Variants in PHF8 observed in about 807,000 individuals in gnomAD.
PHF8 encodes PHD finger protein 8, also known as histone lysine demethylase PHF8.
PHF8 carries 9 observed loss-of-function variants against 74.4 expected under a neutral mutation model. The observed-to-expected ratio is 0.12, with a 90% CI of 0.07 to 0.21. The LOEUF is 0.21. PHF8 is among the 10% of genes least tolerant of loss of function. The pLI, the probability that PHF8 is intolerant of heterozygous loss-of-function variation, is 1.00. For missense variants in PHF8, 478 were observed against 816.6 expected (o/e 0.59, Z 5.05); for synonymous variants, 311 against 316.6 (o/e 0.98, Z 0.19).
chrX:53,991,681 A>G (rs1040835067), intron 14 of PHF8, among the ~76,000 whole-genome samples: 1 of 106,090 alleles, frequency 9.4e-6, no homozygotes, highest in African/African-American at 3.4e-5. Context: ...AAAAAAAAAA[A>G]AAAACAAAAC....
chrX:54,022,357 G>A lies in PHF8; in HGVS notation c.195C>T (p.Arg65=), dbSNP rs1557110268. 8.4e-7 allele frequency: 1 copy of A among 1,187,874 alleles called. No individual in the cohort carries two copies. Among genetic ancestry groups the A allele is most frequent in the Admixed American group, 2.2e-5 (1 of 45,938 alleles). ...VLHGPSIMKK[R]RGSSKGHDTH... is the part of the protein sequence containing the mutation. Reference sequence around the variant, plus strand: ...TATCATGCCCCTTTGAAGATCCACGGCGTTTTTTCACTAAGCCAGAAAAAC... The same window carrying A: ...TATCATGCCCCTTTGAAGATCCACGACGTTTTTTCACTAAGCCAGAAAAAC... Residue 65 remains arginine, a synonymous_variant, in exon 4 of 22, where the codon CGC becomes CGT. Transcript: ENST00000338154.
chrX:54,044,906 G>A, upstream of PHF8: 5 of 1,151,156 alleles, frequency 4.3e-6, no homozygotes, highest in South Asian at 5.8e-5. Context: ...ACCTTCGATA[G>A]GCTGGGCTCT....
chrX:53,972,768 T>C (rs2065314801), intron 18 of PHF8, among the ~76,000 whole-genome samples: 1 of 111,362 alleles, frequency 9.0e-6, no homozygotes, highest in East Asian at 2.8e-4. Context: ...GCCACTCCTA[T>C]TCAACATAGC....
Position 53,940,526 on chromosome X carries a change from A to C in PHF8, c.2650-10T>G. 8.8e-7 allele frequency: 1 copy of C among 1,132,469 alleles called. No homozygotes were observed. Among genetic ancestry groups the C allele is most frequent in the African/African-American group, 1.8e-5 (1 of 56,335 alleles). The allele number at this position is 1,132,469 out of a possible 1,213,427, so 93.3% of individuals were successfully genotyped here. On this transcript the variant is annotated splice_polypyrimidine_tract_variant and intron_variant, in intron 20 of 21. Transcript: ENST00000338154. ...GGGCCTTCTGTAGCTCCTGAAACACAAGCCAAGTAGGAGGAGAGATTAAGG... is the reference window on the plus strand; with the variant it reads ...GGGCCTTCTGTAGCTCCTGAAACACCAGCCAAGTAGGAGGAGAGATTAAGG...
At chrX:54,020,187 A>AAAAT (rs1365191915) in intron 4 of PHF8, among the ~76,000 whole-genome samples, 7 of 111,666 alleles carry the variant, frequency 6.3e-5, no homozygotes, top group Admixed American at 2.9e-4. Flanking sequence ...ACATCGTCTC[A>AAAAT]AAATAAATAA....
chrX:54,027,059 A>G (rs2066278643), intron 2 of PHF8, among the ~76,000 whole-genome samples: 1 of 111,183 alleles, frequency 9.0e-6, no homozygotes. Context: ...TATCACAACA[A>G]AAGTACTATC....
intron 19 of PHF8, among the ~76,000 whole-genome samples, chrX:53,944,889 G>A (rs1280082928): frequency 1.8e-5 from 2 of 111,683 alleles, no homozygotes; most frequent in Middle Eastern, 4.2e-3. Flanking sequence ...CGGCATGGTG[G>A]TGCACGCCTG....
chrX:53,945,916 C>T (rs1460169854), intron 19 of PHF8, among the ~76,000 whole-genome samples: 4 of 112,188 alleles, frequency 3.6e-5, no homozygotes, highest in African/African-American at 1.3e-4. Flanking sequence ...TTCTCTAATG[C>T]TGATGTGTTA....
intron 19 of PHF8, among the ~76,000 whole-genome samples, chrX:53,960,756 TA>T (rs1182117266): frequency 9.3e-6 from 1 of 107,445 alleles, no homozygotes; most frequent in Non-Finnish European, 1.9e-5. Flanking sequence ...AAAAAAAATT[TA>T]AAAAAAAATT....
chrX:54,041,159 C>A (rs1390214054), intron 2 of PHF8, among the ~76,000 whole-genome samples: 1 of 109,890 alleles, frequency 9.1e-6, no homozygotes, highest in East Asian at 2.8e-4. Context: ...GCGGGCGGAT[C>A]GCTTGAGGTC....
Position 54,034,615 on chromosome X carries a change from GA to G in PHF8, c.98+8015del, listed in dbSNP as rs782571652. 4.5e-5 allele frequency among the ~76,000 whole-genome samples: 5 copies of G among 110,219 alleles called. No homozygotes were observed. The East Asian group carries it at 1.4e-3, about 31-fold the overall frequency. On this transcript the variant is annotated intron_variant, in intron 2 of 21. Transcript: ENST00000338154. ...AGACGTGTGGATCATTTGAGGTCAG[GA>G]GTTCAAGACCAGCCTGGCCAAGATG...
At chrX:54,048,252 T>TGGG (rs1557117737), upstream of PHF8, among the ~76,000 whole-genome samples, 1 of 107,096 alleles carries the variant, frequency 9.3e-6, no homozygotes, top group African/African-American at 3.4e-5. Flanking sequence ...GGGCTACAGG[T>TGGG]GGGGGTCAGG....
intron 18 of PHF8, among the ~76,000 whole-genome samples, chrX:53,963,592 C>T (rs868916328): frequency 3.6e-5 from 4 of 111,589 alleles, no homozygotes; most frequent in Admixed American, 9.5e-5. Context: ...ACAGACACTT[C>T]TCAAAAGAAG....
At chrX:53,973,336 C>T (rs1433715690) in intron 18 of PHF8, among the ~76,000 whole-genome samples, 1 of 111,705 alleles carries the variant, frequency 9.0e-6, no homozygotes. Flanking sequence ...GCCCAAATAG[C>T]CAGGACAATC....
At position 53,993,905 on chromosome X, in the gene PHF8, T is replaced by G; in HGVS notation, c.1324-2A>C. On this transcript the variant is annotated splice_acceptor_variant, in intron 12 of 21. Coordinates refer to ENST00000338154, the MANE Select transcript of PHF8 (RefSeq NM_015107.3). LOFTEE classifies it high-confidence loss of function. ...CCCAACGTTCTGTTGGAAGATGTCC[T>G]ACAAGAGTGTTAGTACATGAGGGGG... 8.4e-7 allele frequency: 1 copy of G among 1,183,497 alleles called. No individual in the cohort carries two copies. The highest frequency in any genetic ancestry group is 1.1e-6 in the Non-Finnish European group (1 of 871,359).
At chrX:53,960,048 T>C (rs782409617) in intron 19 of PHF8, among the ~76,000 whole-genome samples, 2 of 108,997 alleles carry the variant, frequency 1.8e-5, no homozygotes, top group Non-Finnish European at 3.8e-5. Flanking sequence ...CAGAAGAACA[T>C]TGCTTTTCCT....
At chrX:54,019,528 C>A (rs1411625668) in intron 4 of PHF8, among the ~76,000 whole-genome samples, 1 of 109,971 alleles carries the variant, frequency 9.1e-6, no homozygotes, top group Admixed American at 9.8e-5. Flanking sequence ...CAGTGGCTCA[C>A]ACCTGTAATC....
chrX:53,958,275 C>T (rs1015009340), intron 19 of PHF8, among the ~76,000 whole-genome samples: 9 of 107,517 alleles, frequency 8.4e-5, no homozygotes, highest in African/African-American at 1.3e-4. Context: ...CTCCTGACCT[C>T]GTGATCCGCT....
intron 18 of PHF8, among the ~76,000 whole-genome samples, chrX:53,969,455 T>C (rs1430368532): frequency 9.0e-6 from 1 of 110,536 alleles, no homozygotes; most frequent in Non-Finnish European, 1.9e-5. Context: ...AAAACACTGA[T>C]GAAAAAAATT....
Sources: gnomAD v4.1 joint callset for allele counts (sites outside exome capture counted in the v4.1 genomes callset) on GRCh38, gnomAD v4.1.1 for gene constraint, MANE v1.5 for transcripts, NCBI Gene and HGNC (gene_info 2026-07-23, HGNC 2026-07-21) for gene names.